The following SYNE2 variants were observed in gnomAD, a reference collection of about 807,000 sequenced individuals.
The protein encoded by SYNE2 is spectrin repeat containing nuclear envelope protein 2.
SYNE2 carries 431 observed loss-of-function variants against 856.3 expected under a neutral mutation model. That is an observed-to-expected ratio of 0.50 (90% CI 0.47 to 0.55). The LOEUF is 0.55. Ranked by LOEUF, SYNE2 falls within the 20% of genes least tolerant of loss-of-function variation. SYNE2 has a pLI of 0.00. For missense variants in SYNE2, 8,129 were observed against 8,023.2 expected, an observed-to-expected ratio of 1.01 and a Z score of -0.50; for synonymous variants, 2,923 against 2,872.3, an observed-to-expected ratio of 1.02 and a Z score of -0.56.
At chr14:64,008,099 C>T (rs567510248) in intron 31 of SYNE2, among the ~76,000 whole-genome samples, 1 of 152,312 alleles carries the variant, frequency 6.6e-6, no homozygotes, top group East Asian at 1.9e-4. Flanking sequence ...CATTCCTTTG[C>T]CTGTGTCACC....
intron 1 of SYNE2, among the ~76,000 whole-genome samples, chr14:63,814,859 T>TATATCTCTCC (rs1221535624): frequency 8.4e-6 from 1 of 118,888 alleles, no homozygotes; most frequent in African/African-American, 3.0e-5. Context: ...TATATCCATA[T>TATATCTCTCC]ATATCTCTCC....
chr14:64,017,787 T>C, intron 34 of SYNE2, 31 bp downstream of exon 34: 1 of 1,607,854 alleles, frequency 6.2e-7, no homozygotes, highest in Non-Finnish European at 8.5e-7. Context: ...CATGCTTTTC[T>C]TGGTACACAA....
chr14:63,984,443 AGTT>A (rs1225326890), intron 18 of SYNE2, among the ~76,000 whole-genome samples: 1 of 152,178 alleles, frequency 6.6e-6, no homozygotes, highest in African/African-American at 2.4e-5. Flanking sequence ...GTGTAAATTG[AGTT>A]GTTATTTTCT....
intron 8 of SYNE2, chr14:63,956,320 TAA>T (rs889630765): frequency 2.3e-6 from 1 of 440,298 alleles, no homozygotes. Context: ...TAGTAAAATG[TAA>T]TACAGTAATT....
intron 57 of SYNE2, among the ~76,000 whole-genome samples, chr14:64,084,000 C>A (rs10138302): frequency 6.6e-5 from 10 of 151,678 alleles, no homozygotes; most frequent in Non-Finnish European, 4.4e-5. Context: ...TCTTGGCTCA[C>A]CGCAACCTCC....
intron 8 of SYNE2, among the ~76,000 whole-genome samples, chr14:63,958,352 C>T (rs1272971282): frequency 6.6e-6 from 1 of 152,132 alleles, no homozygotes; most frequent in Non-Finnish European, 1.5e-5. Context: ...GTGACGGTTT[C>T]CCAGACTTTT....
intron 98 of SYNE2, chr14:64,189,153 G>A (rs999588615): frequency 5.0e-6 from 3 of 596,218 alleles, no homozygotes; most frequent in East Asian, 5.6e-5. Context: ...GGCTGACATG[G>A]TGAAACCTCG....
chr14:63,804,863 T>C (rs1888299738), intron 1 of SYNE2, among the ~76,000 whole-genome samples: 1 of 152,222 alleles, frequency 6.6e-6, no homozygotes, highest in Non-Finnish European at 1.5e-5. Flanking sequence ...GGTTTTGCCA[T>C]TACTTTGAAT....
In SYNE2 at chr14:64,167,624, G is replaced by A. The variant is rs2098387664; in HGVS notation, c.16890G>A (p.Gln5630=). The change falls in exon 92 of 116, where the codon CAG becomes CAA. Residue 5630 remains glutamine, a synonymous_variant. Transcript: ENST00000555002. The stretch of plus-strand genomic sequence containing the variant: ...ACAGCCTTCCTGAGCTCCTGGAGCA[G>A]CAGAAAACCTATAAGGTAAACCTGT... ...VANSLPELLE[Q]QKTYKMLEAE... The A allele has an allele frequency of 6.2e-7, 1 of 1,614,222 alleles. No homozygotes were observed. The highest frequency in any genetic ancestry group is 8.5e-7 in the Non-Finnish European group (1 of 1,180,038).
chr14:64,058,893 C>T (rs1339305473), intron 49 of SYNE2, among the ~76,000 whole-genome samples: 2 of 152,086 alleles, frequency 1.3e-5, no homozygotes, highest in East Asian at 3.9e-4. Flanking sequence ...TTTCAAATTG[C>T]TTGTCTTCAA....
chr14:64,139,934 C>A lies in SYNE2; in HGVS notation c.14844-7C>A. The A allele has an allele frequency of 6.2e-7, 1 of 1,613,960 alleles. No individual in the cohort carries two copies. Among genetic ancestry groups the A allele is most frequent in the Non-Finnish European group, 8.5e-7 (1 of 1,179,948 alleles). On this transcript the variant is annotated splice_polypyrimidine_tract_variant and splice_region_variant and intron_variant, in intron 79 of 115. Transcript: ENST00000555002. ...ATCTGCCTTCTCTCTCACTTTGCTCCTGTTAGTTATAACAGAGATTCGGAT... is the reference window on the plus strand; with the variant it reads ...ATCTGCCTTCTCTCTCACTTTGCTCATGTTAGTTATAACAGAGATTCGGAT...
At chr14:63,990,050 C>G (rs563922433) in intron 19 of SYNE2, among the ~76,000 whole-genome samples, 16 of 152,318 alleles carry the variant, frequency 1.1e-4, no homozygotes, top group South Asian at 1.0e-3. Context: ...TATTTTCCAA[C>G]AGCTATTTTC....
At position 63,942,121 on chromosome 14, in the gene SYNE2, G is replaced by T; in HGVS notation, c.386G>T (p.Trp129Leu). Residue 129 changes from tryptophan to leucine, a missense_variant, in exon 6 of 116, where the codon TGG becomes TTG. Trp to Leu is a moderately conservative substitution (Grantham distance 61, BLOSUM62 -2). Transcript: ENST00000555002. ...CCATCCATTATCCTTGGCCTAATTT[G>T]GACAATTATCCTGCACTTTCATGTA... ...GNPSIILGLI[W>L]TIILHFHIEK... is the part of the protein sequence containing the mutation. 1 of 1,604,462 alleles carries T rather than the reference G, an allele frequency of 6.2e-7. No individual in the cohort carries two copies. Among genetic ancestry groups the T allele is most frequent in the South Asian group, 1.1e-5 (1 of 90,920 alleles).
At chr14:63,823,321 G>A (rs1030052693) in intron 1 of SYNE2, among the ~76,000 whole-genome samples, 2 of 151,968 alleles carry the variant, frequency 1.3e-5, no homozygotes, top group Admixed American at 1.3e-4. Flanking sequence ...TGGGACTACA[G>A]ACATGCACCA....
At chr14:64,157,849 C>T (rs1328894572) in intron 85 of SYNE2, among the ~76,000 whole-genome samples, 1 of 152,164 alleles carries the variant, frequency 6.6e-6, no homozygotes, top group Admixed American at 6.5e-5. Flanking sequence ...AGTGTCTTTT[C>T]ATATGTTTAT....
At chr14:63,952,689 T>C (rs2096181431) in intron 7 of SYNE2, among the ~76,000 whole-genome samples, 1 of 152,200 alleles carries the variant, frequency 6.6e-6, no homozygotes, top group South Asian at 2.1e-4. Flanking sequence ...GAACAGTTTC[T>C]GGATGAAGTA....
intron 76 of SYNE2, 26 bp from the exon 77 acceptor site, chr14:64,132,239 A>G (rs1472296652): frequency 1.9e-5 from 30 of 1,611,452 alleles, no homozygotes; most frequent in African/African-American, 2.7e-5. Context: ...TTCAAAGTAA[A>G]TATTAAAACT....
intron 84 of SYNE2, among the ~76,000 whole-genome samples, chr14:64,147,165 A>G (rs569075371): frequency 8.3e-4 from 126 of 152,130 alleles, no homozygotes; most frequent in African/African-American, 2.9e-3. Context: ...GCGTGTCGCT[A>G]CATACAGTTT....
chr14:63,898,282 G>A (rs916518475), intron 1 of SYNE2, among the ~76,000 whole-genome samples: 5 of 152,004 alleles, frequency 3.3e-5, no homozygotes, highest in African/African-American at 7.2e-5. Context: ...CATCACTATC[G>A]TCCTGGGAAC....
Sources: gnomAD v4.1 joint callset for allele counts (sites outside exome capture counted in the v4.1 genomes callset) on GRCh38, gnomAD v4.1.1 for gene constraint, MANE v1.5 for transcripts, NCBI Gene and HGNC (gene_info 2026-07-23, HGNC 2026-07-21) for gene names.